The following UBE2J1 variants were observed in gnomAD, a reference collection of about 807,000 sequenced individuals.
UBE2J1 encodes ubiquitin conjugating enzyme E2 J1, also known as ubiquitin-conjugating enzyme E2 J1.
Under a neutral mutation model 42.1 loss-of-function variants are expected in UBE2J1, and 17 were observed. The observed-to-expected ratio is 0.40, with a 90% CI of 0.28 to 0.61. The LOEUF is 0.61. UBE2J1 is among the 20% of genes least tolerant of loss of function. The pLI, the probability that UBE2J1 is intolerant of heterozygous loss-of-function variation, is 0.38. For synonymous variants in UBE2J1, 127 were observed against 137.2 expected (o/e 0.93, Z 0.52); for missense variants, 291 against 389.4 (o/e 0.75, Z 2.13).
intron 1 of UBE2J1, among the ~76,000 whole-genome samples, chr6:89,345,097 A>C (rs1768333391): frequency 6.6e-6 from 1 of 152,202 alleles, no homozygotes; most frequent in South Asian, 2.1e-4. Context: ...CTAACTTTAG[A>C]GCAAATGGAA....
chr6:89,339,434 AAAAG>A (rs1768186884), intron 3 of UBE2J1, among the ~76,000 whole-genome samples: 1 of 68,178 alleles, frequency 1.5e-5, no homozygotes, highest in Admixed American at 1.7e-4. Flanking sequence ...TGTCCCCAAG[AAAAG>A]AAAAAAAAAG....
chr6:89,336,482 T>A (rs1412202755), intron 5 of UBE2J1, among the ~76,000 whole-genome samples: 3 of 150,642 alleles, frequency 2.0e-5, no homozygotes, highest in Admixed American at 1.3e-4. Flanking sequence ...TATTTTTTTT[T>A]TTTATTTCAT....
chr6:89,327,260 A>AATGTCATGAGTTATCTAGAT lies in UBE2J1; in HGVS notation c.*2399_*2418dup, dbSNP rs1767927905. 2 of 152,550 alleles carry AATGTCATGAGTTATCTAGAT rather than the reference A, an allele frequency of 1.3e-5. No individual in the cohort carries two copies. The highest frequency in any genetic ancestry group is 4.8e-5 in the African/African-American group (2 of 41,508). 9.4% of individuals were successfully genotyped at this position (152,550 alleles called of 1,614,324 possible). On this transcript the variant is annotated 3_prime_UTR_variant, in exon 8 of 8. Coordinates refer to ENST00000435041, the MANE Select transcript of UBE2J1 (RefSeq NM_016021.3). ...ATCATGTGCTATGTTGGTCAAATAAAATGTCATGAGTTATCTAGATCTGAG... is the reference window on the plus strand; with the variant it reads ...ATCATGTGCTATGTTGGTCAAATAAAATGTCATGAGTTATCTAGATATGTCATGAGTTATCTAGATCTGAG...
chr6:89,340,650 G>GGAAA (rs1476992438), intron 3 of UBE2J1, among the ~76,000 whole-genome samples: 2 of 152,190 alleles, frequency 1.3e-5, no homozygotes, highest in Non-Finnish European at 1.5e-5. Flanking sequence ...ATAGTGTAAT[G>GGAAA]GAAAGAGCAC....
chr6:89,350,133 C>CA (rs918519585), intron 1 of UBE2J1, among the ~76,000 whole-genome samples: 12 of 149,796 alleles, frequency 8.0e-5, no homozygotes, highest in South Asian at 2.1e-4. Flanking sequence ...AAGTCCATTC[C>CA]AAAAAAAAAC....
At chr6:89,349,459 A>G (rs993796274) in intron 1 of UBE2J1, among the ~76,000 whole-genome samples, 5 of 152,094 alleles carry the variant, frequency 3.3e-5, no homozygotes, top group Admixed American at 6.5e-5. Context: ...CTGTGTGTGT[A>G]TTGAGTTGTG....
Position 89,343,666 on chromosome 6 carries a change from T to C in UBE2J1, c.105+17A>G, listed in dbSNP as rs762048868. 3.2e-6 allele frequency: 5 copies of C among 1,572,186 alleles called. No homozygotes were observed. Among genetic ancestry groups the C allele is most frequent in the Admixed American group, 2.0e-5 (1 of 51,206 alleles). Reference sequence around the variant, plus strand: ...AATATTAAAATCCATATGAAGAACATGGAGATAGAAACTAACCTCTAAAGG... The same window carrying C: ...AATATTAAAATCCATATGAAGAACACGGAGATAGAAACTAACCTCTAAAGG... On this transcript the variant is annotated intron_variant, in intron 2 of 7. Transcript: ENST00000435041.
At chr6:89,336,314 G>T (rs1768105528) in intron 5 of UBE2J1, among the ~76,000 whole-genome samples, 1 of 151,696 alleles carries the variant, frequency 6.6e-6, no homozygotes, top group Non-Finnish European at 1.5e-5. Flanking sequence ...TTGAGACAGG[G>T]TCTCCTCGTT....
rs1193022037 is a variant in UBE2J1 at position 89,351,069 on chromosome 6, C to CTTTTTTTTT, written c.31+1461_31+1469dup. Among the ~76,000 whole-genome samples the CTTTTTTTTT allele has an allele frequency of 8.6e-4, 52 of 60,460 alleles. 6 individuals are homozygous for CTTTTTTTTT. The highest frequency in any genetic ancestry group is 2.9e-3 in the African/African-American group (42 of 14,474). 39.7% of individuals were successfully genotyped at this position (60,460 alleles called of 152,430 possible). ...TCCTCCCTCCCCACCCCGGGATTCT[C>CTTTTTTTTT]TTTTTTTTTTTTTTTTTTTTTTTTT... On this transcript the variant is annotated intron_variant, in intron 1 of 7. Transcript: ENST00000435041.
chr6:89,347,094 A>G (rs913483718), intron 1 of UBE2J1, among the ~76,000 whole-genome samples: 2 of 152,242 alleles, frequency 1.3e-5, no homozygotes, highest in Non-Finnish European at 2.9e-5. Flanking sequence ...AAGCTTAATG[A>G]GAACCCCAAC....
chr6:89,342,133 T>C (rs1224857284), intron 3 of UBE2J1, among the ~76,000 whole-genome samples, 191 bp downstream of exon 3: 1 of 152,230 alleles, frequency 6.6e-6, no homozygotes, highest in Admixed American at 6.5e-5. Flanking sequence ...AGTTGTATCA[T>C]TTTTACTTCT....
chr6:89,338,713 T>G (rs1416814062), intron 3 of UBE2J1, among the ~76,000 whole-genome samples, 170 bp from the exon 4 acceptor site: 17 of 131,840 alleles, frequency 1.3e-4, no homozygotes, highest in African/African-American at 4.5e-4. Flanking sequence ...TCACCCAGGC[T>G]GGAGTGCAGT....
intron 7 of UBE2J1, 131 bp from the exon 8 acceptor site, chr6:89,330,088 T>TA (rs1767980841): frequency 5.6e-6 from 5 of 888,650 alleles, no homozygotes; most frequent in Non-Finnish European, 8.6e-6. Context: ...GAATGATTGT[T>TA]ACTAATAATA....
intron 5 of UBE2J1, among the ~76,000 whole-genome samples, chr6:89,337,813 A>C (rs1414010859): frequency 1.3e-5 from 2 of 152,200 alleles, no homozygotes; most frequent in African/African-American, 4.8e-5. Flanking sequence ...AAGATGGATA[A>C]AGTGGATTAC....
At position 89,327,133 on chromosome 6, in the gene UBE2J1, C is replaced by T. The variant is rs1767924639; in HGVS notation, c.*2546G>A. ...CGTAAAGTGCTACATAAAAGCCCCA[C>T]ATTACATAAATTTTGAAAAGTTTAT... is the stretch of plus-strand genomic sequence containing the variant. On this transcript the variant is annotated 3_prime_UTR_variant, in exon 8 of 8. Transcript: ENST00000435041. 1 of 151,898 alleles carries T rather than the reference C, an allele frequency of 6.6e-6. No individual in the cohort carries two copies. Among genetic ancestry groups the T allele is most frequent in the Admixed American group, 6.6e-5 (1 of 15,104 alleles). 9.4% of individuals were successfully genotyped at this position (151,898 alleles called of 1,614,324 possible).
At position 89,329,589 on chromosome 6, in the gene UBE2J1, T is replaced by A; in HGVS notation, c.*90A>T. On this transcript the variant is annotated 3_prime_UTR_variant, in exon 8 of 8. Transcript: ENST00000435041. ...AAAGGAATGAAGGGTAAATACAAAA[T>A]AATCTTTTTGTAAACAATTCTTAGA... 1 of 1,393,408 alleles carries A rather than the reference T, an allele frequency of 7.2e-7. No homozygotes were observed. Among genetic ancestry groups the A allele is most frequent in the East Asian group, 2.3e-5 (1 of 43,370 alleles). 86.3% of individuals were successfully genotyped at this position (1,393,408 alleles called of 1,614,324 possible). A position where few individuals can be genotyped will look rare whatever the true frequency, so the allele number is the denominator to read the frequency against.
rs763140036 is a variant in UBE2J1, at chr6:89,335,386, A to G, written c.474T>C (p.Asp158=). The G allele has an allele frequency of 1.2e-6, 2 of 1,606,380 alleles. No homozygotes were observed. The highest frequency in any genetic ancestry group is 1.7e-6 in the Non-Finnish European group (2 of 1,175,170). ...TTCCAGATTTTAAAGGCAACAGGAC[A>G]TCCTTCATGGCAGAGCCACATCCTT... is the stretch of plus-strand genomic sequence containing the variant. ...CCEGCGSAMK[D]VLLPLKSGSD... The change falls in exon 6 of 8, where the codon GAT becomes GAC. Residue 158 remains aspartate, a synonymous_variant. Coordinates refer to ENST00000435041, the MANE Select transcript of UBE2J1 (RefSeq NM_016021.3).
chr6:89,336,456 A>T (rs1340133238), intron 5 of UBE2J1, among the ~76,000 whole-genome samples: 3 of 97,478 alleles, frequency 3.1e-5, no homozygotes, highest in African/African-American at 1.2e-4. Context: ...ACACCCCGCT[A>T]ATTTTTATTT....
chr6:89,333,288 T>C, intron 6 of UBE2J1, 83 bp from the exon 7 acceptor site: 2 of 1,427,594 alleles, frequency 1.4e-6, no homozygotes, highest in Middle Eastern at 1.8e-4. Flanking sequence ...CTAAATCCTC[T>C]CTGTTGGATT....
Sources: allele counts gnomAD v4.1 joint callset (sites outside exome capture counted in the v4.1 genomes callset), GRCh38; gene constraint gnomAD v4.1.1; transcripts MANE v1.5; gene names NCBI Gene and HGNC (gene_info 2026-07-23, HGNC 2026-07-21).